The following SAG variants were observed in gnomAD, a reference collection of about 807,000 sequenced individuals.
SAG encodes the protein S-arrestin.
Under a neutral mutation model 55.0 loss-of-function variants are expected in SAG, and 45 were observed. The observed-to-expected ratio is 0.82, with a 90% CI of 0.64 to 1.05. The LOEUF (loss-of-function observed/expected upper bound fraction) is 1.05, where lower values mean the gene tolerates loss of function less well. Ranked by LOEUF, SAG falls within the 50% of genes least tolerant of loss-of-function variation. SAG has a pLI of 0.00. For synonymous variants in SAG, 189 were observed against 197.4 expected (o/e 0.96, Z 0.36); for missense variants, 455 against 512.1 (o/e 0.89, Z 1.08).
At chr2:233,312,081 G>A (rs553965050) in intron 2 of SAG, among the ~76,000 whole-genome samples, 186 of 152,206 alleles carry the variant, frequency 1.2e-3, no homozygotes, top group African/African-American at 4.2e-3. Flanking sequence ...AGCCGAGATC[G>A]CGCCATTGCA....
intron 14 of SAG, chr2:233,343,716 A>G: frequency 8.2e-7 from 1 of 1,213,878 alleles, no homozygotes; most frequent in Non-Finnish European, 1.0e-6. Context: ...AGTTGACGGG[A>G]AAGAAAAACA....
At chr2:233,342,153 TTG>T in intron 13 of SAG, 116 bp from the exon 14 acceptor site, 1 of 732,438 alleles carries the variant, frequency 1.4e-6, no homozygotes, top group South Asian at 1.6e-5. Context: ...TCCCACTGCA[TTG>T]TCTTTCAGCT....
chr2:233,324,118 C>T (rs1700473559), intron 6 of SAG, among the ~76,000 whole-genome samples: 1 of 152,078 alleles, frequency 6.6e-6, no homozygotes, highest in Non-Finnish European at 1.5e-5. Context: ...AGGGGGAGGC[C>T]AAGTGCAGTG....
At chr2:233,309,040 A>G (rs1331033382) in intron 1 of SAG, 122 bp from the exon 2 acceptor site, 1 of 592,044 alleles carries the variant, frequency 1.7e-6, no homozygotes, top group African/African-American at 1.9e-5. Flanking sequence ...AAGCCGGTAC[A>G]AGGGCATGGT....
chr2:233,308,695 G>A (rs1574922291), intron 1 of SAG, among the ~76,000 whole-genome samples: 1 of 152,128 alleles, frequency 6.6e-6, no homozygotes, highest in South Asian at 2.1e-4. Context: ...CCAGAATGTT[G>A]AGATGACAGG....
In SAG at chr2:233,319,011, G is replaced by A. The variant is rs1175804445; in HGVS notation, c.181+216G>A. 2 of 708,326 alleles carry A rather than the reference G, an allele frequency of 2.8e-6. No individual in the cohort carries two copies. The highest frequency in any genetic ancestry group is 5.3e-6 in the Non-Finnish European group (2 of 378,622). The allele number at this position is 708,326 out of a possible 1,614,324, so 43.9% of individuals were successfully genotyped here. ...CACCAGAGCTCACTCGCTCAGCAAA[G>A]TCATTGTCCAGGGTGGCAGATAAGT... is the stretch of plus-strand genomic sequence containing the variant. On this transcript the variant is annotated intron_variant, in intron 4 of 15. Transcript: ENST00000409110. This position sits in a 1 kb window ranked among gnomAD's most constrained non-coding sequence, Gnocchi z 4.4.
At chr2:233,313,132 C>T (rs945472124) in intron 2 of SAG, among the ~76,000 whole-genome samples, 5 of 152,142 alleles carry the variant, frequency 3.3e-5, no homozygotes, top group Admixed American at 2.0e-4. Flanking sequence ...GAGGTGTGGT[C>T]GCAGGCCACA....
At chr2:233,310,578 C>T (rs1700052340) in intron 2 of SAG, among the ~76,000 whole-genome samples, 1 of 146,620 alleles carries the variant, frequency 6.8e-6, no homozygotes. Flanking sequence ...GGCGTGATCT[C>T]AGCTCACTGC....
chr2:233,314,990 C>G (rs1432876957), intron 2 of SAG, among the ~76,000 whole-genome samples: 1 of 152,198 alleles, frequency 6.6e-6, no homozygotes, highest in Non-Finnish European at 1.5e-5. Context: ...CTAGACTCTG[C>G]AGTAGATGCT....
chr2:233,315,113 G>T (rs537043931), intron 2 of SAG, among the ~76,000 whole-genome samples: 13 of 152,108 alleles, frequency 8.5e-5, no homozygotes, highest in Admixed American at 8.5e-4. Context: ...AGAGACCTTC[G>T]TTGCCAGGGG....
chr2:233,319,551 T>C lies in SAG; in HGVS notation c.181+756T>C. 1 of 987,902 alleles carries C rather than the reference T, an allele frequency of 1.0e-6. No homozygotes were observed. The highest frequency in any genetic ancestry group is 4.6e-5 in the South Asian group (1 of 21,608). 61.2% of individuals were successfully genotyped at this position (987,902 alleles called of 1,614,324 possible). On this transcript the variant is annotated intron_variant, in intron 4 of 15. Coordinates refer to ENST00000409110, the MANE Select transcript of SAG (RefSeq NM_000541.5). This position sits in a 1 kb window ranked among gnomAD's most constrained non-coding sequence, Gnocchi z 4.4. ...AAGGAATTGTTCAGAACCCTGGATGTGCCACTGGAATACGTCAGCTATGGG... is the reference window on the plus strand; with the variant it reads ...AAGGAATTGTTCAGAACCCTGGATGCGCCACTGGAATACGTCAGCTATGGG...
chr2:233,342,422 A>T, intron 14 of SAG, 96 bp downstream of exon 14: 1 of 992,332 alleles, frequency 1.0e-6, no homozygotes, highest in Non-Finnish European at 1.6e-6. Context: ...ATCTCAGAGC[A>T]TGGGAGTGGC....
At chr2:233,344,549 C>A (rs182272437) in intron 14 of SAG, 5 of 152,266 alleles carry the variant, frequency 3.3e-5, no homozygotes, top group Middle Eastern at 3.4e-3. Context: ...GAACATATCA[C>A]AATGTCAGGA....
At chr2:233,309,082 A>G in intron 1 of SAG, 80 bp from the exon 2 acceptor site, 1 of 806,922 alleles carries the variant, frequency 1.2e-6, no homozygotes, top group Non-Finnish European at 2.0e-6. Context: ...AGTAGGTTTC[A>G]TAACTAGGAT....
rs938747470 is a variant in SAG at position 233,338,705 on chromosome 2, T to C, written c.974T>C (p.Leu325Pro). 6.2e-7 allele frequency: 1 copy of C among 1,613,996 alleles called. No homozygotes were observed. The highest frequency in any genetic ancestry group is 1.7e-5 in the Admixed American group (1 of 60,018). ...IIKEGIDRTV[L>P]GILVSYQIKV... ...AAGGAGGGCATAGACCGGACCGTCC[T>C]GGGAATCCTGGTGTCTTACCAGATC... is the stretch of plus-strand genomic sequence containing the variant. Residue 325 changes from leucine (L) to proline (P), a missense_variant, in exon 12 of 16, where the codon CTG (leucine) becomes CCG (proline). Physicochemically the swap from Leu to Pro is moderately conservative, Grantham distance 98 (BLOSUM62 -3). Coordinates refer to ENST00000409110, the MANE Select transcript of SAG (RefSeq NM_000541.5).
intron 7 of SAG, 198 bp from the exon 8 acceptor site, chr2:233,328,280 C>A: frequency 1.8e-6 from 1 of 542,298 alleles, no homozygotes; most frequent in Non-Finnish European, 3.1e-6. Context: ...GGGAAGGGAC[C>A]AGGACCCAGA....
intron 6 of SAG, among the ~76,000 whole-genome samples, chr2:233,326,361 C>T (rs950406585): frequency 1.3e-5 from 2 of 152,016 alleles, no homozygotes; most frequent in Non-Finnish European, 2.9e-5. Flanking sequence ...CCAAGGCAGG[C>T]GGATCATGAG....
chr2:233,320,035 A>G, intron 4 of SAG: 5 of 957,856 alleles, frequency 5.2e-6, no homozygotes, highest in Non-Finnish European at 6.2e-6. Context: ...TCTGTTCAAC[A>G]AGTAGAATTT....
intron 4 of SAG, 83 bp from the exon 5 acceptor site, chr2:233,320,547 C>T: frequency 1.8e-6 from 2 of 1,114,026 alleles, no homozygotes; most frequent in South Asian, 1.6e-5. Context: ...AGGTTGAAAA[C>T]CCGTGTTCGC....
Sources: allele counts gnomAD v4.1 joint callset (sites outside exome capture counted in the v4.1 genomes callset), GRCh38; gene constraint gnomAD v4.1.1; non-coding constraint Gnocchi (gnomAD v3.1); transcripts MANE v1.5; gene names NCBI Gene and HGNC (gene_info 2026-07-23, HGNC 2026-07-21).